Variants in NMT1 observed in about 807,000 individuals in gnomAD.
NMT1 encodes the protein glycylpeptide N-tetradecanoyltransferase 1.
In NMT1, 12 loss-of-function variants were observed where a neutral mutation model predicts 63.4. That is an observed-to-expected ratio of 0.19 (90% confidence interval 0.12 to 0.31). The LOEUF is 0.31. Ranked by LOEUF, NMT1 falls within the 10% of genes least tolerant of loss-of-function variation. The probability of loss-of-function intolerance (pLI) is 1.00; values close to 1 mark genes in which losing one functional copy is unlikely to be tolerated. For synonymous variants in NMT1, 228 were observed against 234.3 expected, an observed-to-expected ratio of 0.97 and a Z score of 0.25; for missense variants, 432 against 634.6, an observed-to-expected ratio of 0.68 and a Z score of 3.43.
At position 45,103,750 on chromosome 17, in the gene NMT1, G is replaced by A. The variant is rs746713731; in HGVS notation, c.1206G>A (p.Thr402=). The change falls in exon 10 of 12, where the codon ACG becomes ACA. Residue 402 remains threonine, a synonymous_variant. Coordinates refer to ENST00000258960, the MANE Select transcript of NMT1 (RefSeq NM_021079.5). This position sits in a 1 kb window ranked among gnomAD's most constrained non-coding sequence, Gnocchi z 4.8. ...TGACAGATTTCCTGAGCTTTTATAC[G>A]CTGCCCTCCACCATCATGAACCATC... The part of the protein sequence containing the change: ...GEVTDFLSFY[T]LPSTIMNHPT... 1.8e-5 allele frequency: 29 copies of A among 1,613,818 alleles called. No individual in the cohort carries two copies. In the South Asian group the frequency reaches 2.3e-4, roughly 13 times the overall value.
intron 2 of NMT1, among the ~76,000 whole-genome samples, chr17:45,083,909 C>T (rs1031645786): frequency 6.6e-6 from 1 of 152,096 alleles, no homozygotes; most frequent in African/African-American, 2.4e-5. Flanking sequence ...TCACACATGG[C>T]CGAGAATTTA....
intron 8 of NMT1, among the ~76,000 whole-genome samples, chr17:45,100,930 C>T (rs1906468792): frequency 6.9e-6 from 1 of 144,784 alleles, no homozygotes; most frequent in Admixed American, 7.1e-5. Flanking sequence ...ACCTGTAATC[C>T]CAGCACTTTG....
At chr17:45,073,413 G>T (rs1271198473) in intron 1 of NMT1, among the ~76,000 whole-genome samples, 2 of 150,672 alleles carry the variant, frequency 1.3e-5, no homozygotes, top group Non-Finnish European at 3.0e-5. Context: ...GCAAGACTCT[G>T]TCTCAAAAAA....
At chr17:45,101,253 A>C (rs1464943084) in intron 8 of NMT1, among the ~76,000 whole-genome samples, 1 of 151,206 alleles carries the variant, frequency 6.6e-6, no homozygotes, top group African/African-American at 2.4e-5. Flanking sequence ...CCTGGGCTCA[A>C]GTGATCCACC....
intron 2 of NMT1, among the ~76,000 whole-genome samples, chr17:45,085,040 G>A (rs978005936): frequency 6.6e-6 from 1 of 151,790 alleles, no homozygotes; most frequent in Non-Finnish European, 1.5e-5. Context: ...TTGAGCCCAG[G>A]AGTTCGAGGC....
In NMT1 at chr17:45,072,231, A is replaced by G. The variant is rs1224419089; in HGVS notation, c.132-9413A>G. ...TGTGCCACTGCACTCCAGCCTGGGT[A>G]ACAGAGTAAGAAACTGTCTTTACAA... is the stretch of plus-strand genomic sequence containing the variant. On this transcript the variant is annotated intron_variant, in intron 1 of 11. Transcript: ENST00000258960. Among the ~76,000 whole-genome samples, 3 of 151,334 alleles carry G rather than the reference A, an allele frequency of 2.0e-5. No homozygotes were observed. In the East Asian group the frequency reaches 5.9e-4, roughly 30 times the overall value.
intron 1 of NMT1, among the ~76,000 whole-genome samples, chr17:45,065,450 C>G (rs1286231105): frequency 6.6e-6 from 1 of 151,858 alleles, no homozygotes. Context: ...CAGTGAAACC[C>G]CATCTCTAAT....
chr17:45,105,551 T>G lies in NMT1; in HGVS notation c.1471-68T>G. 6.4e-7 allele frequency: 1 copy of G among 1,567,946 alleles called. No individual in the cohort carries two copies. The highest frequency in any genetic ancestry group is 8.8e-7 in the Non-Finnish European group (1 of 1,140,264). On this transcript the variant is annotated intron_variant, in intron 11 of 11. Coordinates refer to ENST00000258960, the MANE Select transcript of NMT1 (RefSeq NM_021079.5). The surrounding 1 kb of genome is among the most constrained non-coding windows in gnomAD (Gnocchi z 4.2). ...GCCCAGCCACTCGGAACTTCAGGGA[T>G]AGGGGGTGTGGGAGAGTCTTTGGGC...
intron 1 of NMT1, among the ~76,000 whole-genome samples, chr17:45,063,121 C>T (rs1322966135): frequency 3.5e-5 from 5 of 144,422 alleles, no homozygotes; most frequent in Non-Finnish European, 6.0e-5. Context: ...AGGAGAATGG[C>T]GTGAACCCAG....
At chr17:45,100,722 G>A (rs1221094775) in intron 8 of NMT1, among the ~76,000 whole-genome samples, 3 of 149,550 alleles carry the variant, frequency 2.0e-5, no homozygotes, top group Non-Finnish European at 3.0e-5. Context: ...TTAGCTGGTC[G>A]TGGCGTGGCG....
At chr17:45,095,264 G>A (rs1278508066) in intron 4 of NMT1, among the ~76,000 whole-genome samples, 4 of 151,624 alleles carry the variant, frequency 2.6e-5, no homozygotes, top group Non-Finnish European at 4.4e-5. Context: ...CTGTCACCAC[G>A]CCAGGCTAAT....
At chr17:45,096,853 A>C (rs28494923) in intron 5 of NMT1, among the ~76,000 whole-genome samples, 3,857 of 152,338 alleles carry the variant, frequency 0.025, 157 homozygotes, top group African/African-American at 0.084. Flanking sequence ...CCTTGGTTCA[A>C]GCTGTCAAAG....
Position 45,103,825 on chromosome 17 carries a change from C to G in NMT1, c.1281C>G (p.Thr427=). Residue 427 remains threonine (T), a synonymous_variant, in exon 10 of 12, where the codon ACC becomes ACG. Coordinates refer to ENST00000258960, the MANE Select transcript of NMT1 (RefSeq NM_021079.5). This position sits in a 1 kb window ranked among gnomAD's most constrained non-coding sequence, Gnocchi z 4.8. ...KAAYSFYNVH[T]QTPLLDLMSD... The stretch of plus-strand genomic sequence containing the variant: ...CTTATTCTTTCTACAACGTTCACAC[C>G]CAGACCCCTCTTCTAGACCTCATGA... 6.2e-7 allele frequency: 1 copy of G among 1,614,142 alleles called. No individual in the cohort carries two copies. Among genetic ancestry groups the G allele is most frequent in the South Asian group, 1.1e-5 (1 of 91,084 alleles).
intron 4 of NMT1, among the ~76,000 whole-genome samples, chr17:45,095,880 G>A (rs962174930): frequency 2.0e-5 from 3 of 152,152 alleles, no homozygotes; most frequent in African/African-American, 4.8e-5. Flanking sequence ...TTCGAGAGTC[G>A]TCCCTCTATA....
At chr17:45,068,615 T>A (rs1845611920) in intron 1 of NMT1, among the ~76,000 whole-genome samples, 1 of 152,216 alleles carries the variant, frequency 6.6e-6, no homozygotes, top group Non-Finnish European at 1.5e-5. Flanking sequence ...GATTATATCC[T>A]CCATGATTTC....
At chr17:45,099,339 C>G in intron 7 of NMT1, 66 bp from the exon 8 acceptor site, 1 of 1,132,278 alleles carries the variant, frequency 8.8e-7, no homozygotes, top group East Asian at 2.4e-5. Flanking sequence ...CTGGGGTCTC[C>G]CTGCCATTGT....
At chr17:45,068,935 C>G (rs1222445919) in intron 1 of NMT1, among the ~76,000 whole-genome samples, 1 of 151,664 alleles carries the variant, frequency 6.6e-6, no homozygotes, top group African/African-American at 2.4e-5. Context: ...CAGGCGTGAG[C>G]CACCATGCCT....
chr17:45,103,839 T>C lies in NMT1; in HGVS notation c.1295T>C (p.Leu432Pro). ...AACGTTCACACCCAGACCCCTCTTC[T>C]AGACCTCATGAGCGACGCCCTTGTC... ...FYNVHTQTPL[L>P]DLMSDALVLA... The change falls in exon 10 of 12, where the codon CTA becomes CCA. Residue 432 changes from leucine to proline, a missense_variant. Around this residue, in one of 4 missense-constraint regions of NMT1, gnomAD observed 295 missense variants for 489.7 expected, o/e 0.60. Coordinates refer to ENST00000258960, the MANE Select transcript of NMT1 (RefSeq NM_021079.5). The surrounding 1 kb of genome is among the most constrained non-coding windows in gnomAD (Gnocchi z 4.8). The C allele has an allele frequency of 6.2e-7, 1 of 1,614,162 alleles. No individual in the cohort carries two copies. The highest frequency in any genetic ancestry group is 8.5e-7 in the Non-Finnish European group (1 of 1,180,032).
At chr17:45,062,800 T>C (rs1272123830) in intron 1 of NMT1, among the ~76,000 whole-genome samples, 1 of 152,188 alleles carries the variant, frequency 6.6e-6, no homozygotes, top group Admixed American at 6.6e-5. Flanking sequence ...TAACCATGCA[T>C]TTCCCAGCAC....
Sources: allele counts gnomAD v4.1 joint callset (sites outside exome capture counted in the v4.1 genomes callset), GRCh38; gene constraint gnomAD v4.1.1; regional missense constraint gnomAD v4.1.1; non-coding constraint Gnocchi (gnomAD v3.1); transcripts MANE v1.5; gene names NCBI Gene and HGNC (gene_info 2026-07-23, HGNC 2026-07-21).